CFAP96: variants seen among roughly 807,000 people sequenced by gnomAD.
CFAP96 encodes cilia and flagella associated protein 96, also known as cilia-and flagella-associated protein 96.
chr4:185,443,184 A>T, the CFAP96 span, among the ~76,000 whole-genome samples: 1 of 151,338 alleles, frequency 6.6e-6, no homozygotes, highest in African/African-American at 2.4e-5. Context: ...AATTTTCTCA[A>T]TTCTTACATT....
chr4:185,433,987 G>A, the CFAP96 span, among the ~76,000 whole-genome samples: 1 of 152,234 alleles, frequency 6.6e-6, no homozygotes, highest in African/African-American at 2.4e-5. Context: ...GGGAGGCTGA[G>A]GCGGATGTAT....
At chr4:185,435,915 G>A in the CFAP96 span, 2 of 652,838 alleles carry the variant, frequency 3.1e-6, no homozygotes, top group African/African-American at 1.9e-5. Flanking sequence ...GAAGAATGAG[G>A]AAAATGAAAT....
the CFAP96 span, chr4:185,413,639 G>A: frequency 9.6e-6 from 12 of 1,248,564 alleles, no homozygotes; most frequent in South Asian, 4.8e-5. Context: ...AATACATAAT[G>A]AATCAAGTCT....
At chr4:185,429,464 A>T in the CFAP96 span, 1 of 1,538,854 alleles carries the variant, frequency 6.5e-7, no homozygotes, top group East Asian at 2.5e-5. Flanking sequence ...CTCTTTAGTG[A>T]GATGGAATAT....
the CFAP96 span, among the ~76,000 whole-genome samples, chr4:185,438,885 C>T: frequency 6.6e-6 from 1 of 152,184 alleles, no homozygotes; most frequent in Non-Finnish European, 1.5e-5. Flanking sequence ...CTGATGGCAA[C>T]CACCACAATT....
the CFAP96 span, chr4:185,436,131 G>A: frequency 2.6e-6 from 4 of 1,551,068 alleles, no homozygotes; most frequent in African/African-American, 5.5e-5. Context: ...AAAATACAAG[G>A]CACCTGGAAA....
the CFAP96 span, among the ~76,000 whole-genome samples, chr4:185,425,207 C>T: frequency 9.5e-4 from 145 of 152,224 alleles, no homozygotes; most frequent in African/African-American, 3.4e-3. Flanking sequence ...GCAGGCACAA[C>T]AGGATGTATG....
chr4:185,412,365 A>T, the CFAP96 span, among the ~76,000 whole-genome samples: 1 of 152,188 alleles, frequency 6.6e-6, no homozygotes, highest in Non-Finnish European at 1.5e-5. Flanking sequence ...TGCTGCCCTG[A>T]GTACACTCTA....
the CFAP96 span, among the ~76,000 whole-genome samples, chr4:185,436,844 G>T: frequency 6.6e-6 from 1 of 151,882 alleles, no homozygotes; most frequent in African/African-American, 2.4e-5. Context: ...CCTTTTATTA[G>T]ATTTTCATGT....
the CFAP96 span, chr4:185,418,381 C>A: frequency 7.7e-7 from 1 of 1,293,262 alleles, no homozygotes; most frequent in South Asian, 1.3e-5. Flanking sequence ...AGATTGCACT[C>A]AGTTCCAAAT....
At chr4:185,449,547 A>G in the CFAP96 span, 1 of 1,207,664 alleles carries the variant, frequency 8.3e-7, no homozygotes, top group Non-Finnish European at 1.2e-6. Flanking sequence ...ATGTACAGGT[A>G]TTTGACTTGC....
At chr4:185,424,578 T>G in the CFAP96 span, among the ~76,000 whole-genome samples, 1 of 152,224 alleles carries the variant, frequency 6.6e-6, no homozygotes, top group Admixed American at 6.5e-5. Flanking sequence ...TAGCTTCATG[T>G]TGTCCATTTA....
the CFAP96 span, chr4:185,418,475 A>C: frequency 6.2e-7 from 1 of 1,611,496 alleles, no homozygotes; most frequent in Non-Finnish European, 8.5e-7. Context: ...CTTTCTCATG[A>C]ATTTTCTTTT....
At chr4:185,433,486 C>T in the CFAP96 span, among the ~76,000 whole-genome samples, 1 of 151,610 alleles carries the variant, frequency 6.6e-6, no homozygotes, top group African/African-American at 2.4e-5. Flanking sequence ...AGATGATAAC[C>T]GAAGTCTAAT....
At chr4:185,432,323 G>A in the CFAP96 span, 5 of 729,086 alleles carry the variant, frequency 6.9e-6, no homozygotes, top group African/African-American at 3.6e-5. Context: ...TTCTTAGTTT[G>A]TCTTAGGTGG....
At chr4:185,413,707 A>G in the CFAP96 span, 1 of 1,595,850 alleles carries the variant, frequency 6.3e-7, no homozygotes, top group Non-Finnish European at 8.5e-7. Context: ...GACTCCCATA[A>G]ATAATTAGTT....
At chr4:185,415,183 G>T in the CFAP96 span, 1 of 1,601,646 alleles carries the variant, frequency 6.2e-7, no homozygotes, top group East Asian at 2.3e-5. Flanking sequence ...CTGGCCATCT[G>T]GTATTCCTGA....
At chr4:185,445,862 A>G in the CFAP96 span, among the ~76,000 whole-genome samples, 1 of 152,152 alleles carries the variant, frequency 6.6e-6, no homozygotes, top group African/African-American at 2.4e-5. Flanking sequence ...TTTTTTTGAG[A>G]CGGAGTTTCG....
chr4:185,430,456 T>C, the CFAP96 span, among the ~76,000 whole-genome samples: 3 of 152,246 alleles, frequency 2.0e-5, no homozygotes, highest in Non-Finnish European at 4.4e-5. Context: ...TATGAAAATA[T>C]TCACTTGAAC....
Sources: gnomAD v4.1 joint callset for allele counts (sites outside exome capture counted in the v4.1 genomes callset) on GRCh38, gnomAD v4.1.1 for gene constraint, MANE v1.5 for transcripts, NCBI Gene and HGNC (gene_info 2026-07-23, HGNC 2026-07-21) for gene names.